ARAP2: variants seen among roughly 807,000 people sequenced by gnomAD.
The protein encoded by ARAP2 is ArfGAP with RhoGAP domain, ankyrin repeat and PH domain 2.
In ARAP2, 148 loss-of-function variants were observed where a neutral mutation model predicts 194.5. The observed-to-expected ratio is 0.76, with a 90% CI of 0.67 to 0.87. ARAP2 has a LOEUF of 0.87. Ranked by LOEUF, ARAP2 falls within the 40% of genes least tolerant of loss-of-function variation. ARAP2 has a pLI of 0.00. For missense variants in ARAP2, 2,128 were observed against 1,989.7 expected, an observed-to-expected ratio of 1.07 and a Z score of -1.32; for synonymous variants, 695 against 683.5, an observed-to-expected ratio of 1.02 and a Z score of -0.26.
At chr4:36,098,572 AC>A (rs1715972342) in intron 27 of ARAP2, among the ~76,000 whole-genome samples, 1 of 152,002 alleles carries the variant, frequency 6.6e-6, no homozygotes, top group African/African-American at 2.4e-5. Context: ...TAAATGGACA[AC>A]TCCTATACAT....
chr4:36,152,217 T>A (rs1315029063), intron 15 of ARAP2, among the ~76,000 whole-genome samples: 1 of 152,156 alleles, frequency 6.6e-6, no homozygotes, highest in Non-Finnish European at 1.5e-5. Context: ...ACGAATCCTT[T>A]ATGGACAATG....
chr4:36,138,136 A>C (rs763680475), intron 19 of ARAP2, among the ~76,000 whole-genome samples: 4 of 151,752 alleles, frequency 2.6e-5, no homozygotes, highest in Admixed American at 6.6e-5. Flanking sequence ...CTCTCAAAGA[A>C]GACCCTACTT....
chr4:36,236,443 A>T (rs1752472075), intron 1 of ARAP2, among the ~76,000 whole-genome samples: 1 of 152,188 alleles, frequency 6.6e-6, no homozygotes, highest in Non-Finnish European at 1.5e-5. Context: ...GCATAATACA[A>T]TCGAATCAGT....
intron 1 of ARAP2, among the ~76,000 whole-genome samples, chr4:36,241,182 C>T (rs1426988147): frequency 1.3e-5 from 2 of 152,132 alleles, no homozygotes; most frequent in African/African-American, 2.4e-5. Context: ...GTATATACTC[C>T]ACCATTTCTC....
chr4:36,140,570 T>A, intron 19 of ARAP2, among the ~76,000 whole-genome samples: 1 of 151,680 alleles, frequency 6.6e-6, no homozygotes, highest in Non-Finnish European at 1.5e-5. Context: ...TGCAATTACA[T>A]GCACAATTTA....
intron 5 of ARAP2, among the ~76,000 whole-genome samples, chr4:36,045,708 C>T (rs939448728): frequency 6.6e-6 from 1 of 152,042 alleles, no homozygotes; most frequent in African/African-American, 2.4e-5. Flanking sequence ...AATGTTCTCA[C>T]CACAAGGAAT....
At chr4:36,176,383 T>G (rs1433225813) in intron 9 of ARAP2, among the ~76,000 whole-genome samples, 1 of 152,180 alleles carries the variant, frequency 6.6e-6, no homozygotes, top group Non-Finnish European at 1.5e-5. Context: ...ACATTTTCAC[T>G]AATCAGAAAG....
chr4:36,089,886 C>T (rs1713072390), intron 28 of ARAP2, among the ~76,000 whole-genome samples: 1 of 151,900 alleles, frequency 6.6e-6, no homozygotes, highest in Non-Finnish European at 1.5e-5. Flanking sequence ...TATTAGTACA[C>T]CTATTAATAC....
chr4:36,166,847 G>A (rs1287173965), intron 10 of ARAP2, 85 bp downstream of exon 10: 1 of 706,088 alleles, frequency 1.4e-6, no homozygotes, highest in African/African-American at 1.8e-5. Context: ...GCCTACAAGA[G>A]AAAAATCACC....
chr4:36,214,453 A>T lies in ARAP2; in HGVS notation c.933T>A (p.Ala311=). 2.5e-6 allele frequency: 4 copies of T among 1,595,130 alleles called. No homozygotes were observed. Among genetic ancestry groups the T allele is most frequent in the East Asian group, 2.3e-5 (1 of 43,912 alleles). The part of the protein sequence containing the change: ...GSYFRERRNV[A]TSTEKSVAWQ... ...ATGCCACAGATTTTTCAGTTGAGGT[A>T]GCAACATTTCTTCTTTCACGGAAAT... Residue 311 remains alanine, a synonymous_variant, in exon 3 of 33, where the codon GCT becomes GCA. Coordinates refer to ENST00000303965, the MANE Select transcript of ARAP2 (RefSeq NM_015230.4).
chr4:36,215,427 C>A (rs994568930), intron 2 of ARAP2, among the ~76,000 whole-genome samples: 2 of 152,094 alleles, frequency 1.3e-5, no homozygotes, highest in Non-Finnish European at 2.9e-5. Flanking sequence ...TCATATCATG[C>A]ACAAAAATTA....
chr4:36,078,464 C>G (rs879891915), intron 31 of ARAP2, among the ~76,000 whole-genome samples: 5 of 152,112 alleles, frequency 3.3e-5, no homozygotes, highest in African/African-American at 7.2e-5. Flanking sequence ...AATTCGCATA[C>G]GTGTTTGTGT....
chr4:36,156,364 A>AGGGAGGGG (rs1560548537), intron 15 of ARAP2, among the ~76,000 whole-genome samples: 1 of 45,748 alleles, frequency 2.2e-5, no homozygotes, highest in Non-Finnish European at 4.1e-5. Context: ...AGAGGGAGGG[A>AGGGAGGGG]GGGAGGGAGG....
At chr4:36,169,731 A>C (rs1736173173) in intron 9 of ARAP2, among the ~76,000 whole-genome samples, 1 of 152,086 alleles carries the variant, frequency 6.6e-6, no homozygotes, top group South Asian at 2.1e-4. Context: ...ACGGGGTTTC[A>C]CCATGTTGGC....
intron 6 of ARAP2, among the ~76,000 whole-genome samples, chr4:36,207,047 C>A (rs182746444): frequency 7.2e-5 from 11 of 152,318 alleles, no homozygotes; most frequent in African/African-American, 2.6e-4. Context: ...TGCAGATATT[C>A]TTGGAGATGT....
intron 29 of ARAP2, 54 bp downstream of exon 29, chr4:36,083,314 A>C (rs747941582): frequency 3.7e-5 from 47 of 1,267,032 alleles, no homozygotes; most frequent in Non-Finnish European, 5.2e-5. Flanking sequence ...ATCCTTAAAT[A>C]GACATATTTT....
rs750494511 is a variant in ARAP2, at chr4:36,082,300, A to G, written c.4509-14T>C. The stretch of plus-strand genomic sequence containing the variant: ...GTCAATCCCCAGCTGCATCACATAG[A>G]AAAAAAAACACACATAAATTAAAAA... On this transcript the variant is annotated splice_polypyrimidine_tract_variant and intron_variant, in intron 29 of 32. Transcript: ENST00000303965. 4.4e-6 allele frequency: 7 copies of G among 1,588,656 alleles called. No homozygotes were observed. The highest frequency in any genetic ancestry group is 3.5e-5 in the South Asian group (3 of 86,484).
intron 9 of ARAP2, among the ~76,000 whole-genome samples, chr4:36,171,676 A>C (rs1736674675): frequency 6.6e-6 from 1 of 151,034 alleles, no homozygotes; most frequent in Non-Finnish European, 1.5e-5. Flanking sequence ...ATAATAATTA[A>C]AAAAAAAATG....
intron 19 of ARAP2, among the ~76,000 whole-genome samples, chr4:36,136,645 G>A (rs1726783861): frequency 6.6e-6 from 1 of 151,676 alleles, no homozygotes; most frequent in Non-Finnish European, 1.5e-5. Context: ...AAATATGGCT[G>A]GAAAAGATAA....
Sources: allele counts gnomAD v4.1 joint callset (sites outside exome capture counted in the v4.1 genomes callset), GRCh38; gene constraint gnomAD v4.1.1; transcripts MANE v1.5; gene names NCBI Gene and HGNC (gene_info 2026-07-23, HGNC 2026-07-21).